Variants in SECISBP2 observed in about 807,000 individuals in gnomAD.
SECISBP2 encodes the protein SECIS binding protein 2.
SECISBP2 carries 96 observed loss-of-function variants against 98.2 expected under a neutral mutation model. The ratio of observed to expected loss-of-function variants is 0.98; its 90% confidence interval spans 0.83 to 1.16. SECISBP2 has a LOEUF of 1.16. Ranked by LOEUF, SECISBP2 falls within the 50% of genes most tolerant of loss-of-function variation. The pLI is 0.00. For missense variants in SECISBP2, 1,046 were observed against 1,022.9 expected, an observed-to-expected ratio of 1.02 and a Z score of -0.31; for synonymous variants, 407 against 370.2, an observed-to-expected ratio of 1.10 and a Z score of -1.14.
chr9:89,333,029 AT>A (rs1221375869), intron 6 of SECISBP2, 43 bp downstream of exon 6: 2 of 1,543,908 alleles, frequency 1.3e-6, no homozygotes, highest in East Asian at 4.5e-5. Context: ...AATGTCATAG[AT>A]TTTTTAAGTT....
chr9:89,325,833 G>A, intron 3 of SECISBP2, 64 bp from the exon 4 acceptor site: 1 of 1,604,438 alleles, frequency 6.2e-7, no homozygotes, highest in African/African-American at 1.3e-5. Context: ...TTAATATTTT[G>A]CTGCTTTAAA....
downstream of SECISBP2, chr9:89,361,663 G>A (rs1285789794): frequency 6.6e-6 from 1 of 152,238 alleles, no homozygotes; most frequent in Non-Finnish European, 1.5e-5. Context: ...TTGGCTTTCT[G>A]CATCAAGTTT....
intron 14 of SECISBP2, chr9:89,354,917 G>T: frequency 1.0e-6 from 1 of 985,400 alleles, no homozygotes; most frequent in Non-Finnish European, 1.2e-6. Context: ...GTATACCTCA[G>T]GAATACGGAA....
chr9:89,351,343 T>C (rs1228368704), intron 14 of SECISBP2, among the ~76,000 whole-genome samples: 1 of 152,242 alleles, frequency 6.6e-6, no homozygotes, highest in Non-Finnish European at 1.5e-5. Flanking sequence ...TTTTGTTTTG[T>C]TGGATGTGAT....
intron 6 of SECISBP2, chr9:89,334,212 G>A (rs1004811785): frequency 3.2e-5 from 39 of 1,202,742 alleles, no homozygotes; most frequent in Non-Finnish European, 4.0e-5. Context: ...TTGCCACGTG[G>A]ACATTTATTG....
At chr9:89,364,449 C>T (rs1049417405), downstream of SECISBP2, 5 of 214,642 alleles carry the variant, frequency 2.3e-5, no homozygotes, top group East Asian at 3.1e-4. Context: ...CCTGTCTCTC[C>T]AATTGAGACA....
At chr9:89,329,296 A>C in intron 5 of SECISBP2, 1 of 209,850 alleles carries the variant, frequency 4.8e-6, no homozygotes, top group South Asian at 6.9e-5. Context: ...TTTGTATTTT[A>C]GTAGAGACGG....
chr9:89,362,320 G>A (rs1247018626), downstream of SECISBP2: 1 of 1,612,488 alleles, frequency 6.2e-7, no homozygotes, highest in Non-Finnish European at 8.5e-7. Flanking sequence ...GGGGGACCAG[G>A]CCTTCTCCGG....
At chr9:89,334,837 G>C (rs934592421) in intron 7 of SECISBP2, 107 bp downstream of exon 7, 1 of 844,818 alleles carries the variant, frequency 1.2e-6, no homozygotes, top group African/African-American at 1.7e-5. Flanking sequence ...GTTTTGCTAG[G>C]GGAAATGAGT....
chr9:89,331,200 T>A (rs1449084824), intron 5 of SECISBP2, among the ~76,000 whole-genome samples: 1 of 152,240 alleles, frequency 6.6e-6, no homozygotes, highest in Non-Finnish European at 1.5e-5. Context: ...CGTACAGTCT[T>A]ACGTTTGAAT....
rs59799418 is a variant in SECISBP2 at position 89,336,081 on chromosome 9, C to CTTTTTTTTTTTTTT, written c.1089+1365_1089+1378dup. On this transcript the variant is annotated intron_variant, in intron 7 of 16. Transcript: ENST00000375807. ...TTTTTCCCTTAAGTAATTTTAAGTG[C>CTTTTTTTTTTTTTT]TTTTTTTTTTTTTTTTTTTTTTTTT... Among the ~76,000 whole-genome samples the CTTTTTTTTTTTTTT allele has an allele frequency of 1.7e-3, 56 of 33,058 alleles. 7 individuals carry two copies. Among genetic ancestry groups the CTTTTTTTTTTTTTT allele is most frequent in the African/African-American group, 3.0e-3 (25 of 8,362 alleles). The allele number at this position is 33,058 out of a possible 152,430, so 21.7% of individuals were successfully genotyped here.
chr9:89,347,118 C>G (rs1830532763), intron 11 of SECISBP2, 70 bp downstream of exon 11: 1 of 1,502,902 alleles, frequency 6.7e-7, no homozygotes, highest in Admixed American at 1.9e-5. Flanking sequence ...GTTATTCTCC[C>G]AGCTCTTAGA....
intron 2 of SECISBP2, chr9:89,322,247 A>G (rs1564312153): frequency 6.6e-6 from 1 of 152,262 alleles, no homozygotes; most frequent in Non-Finnish European, 1.5e-5. Flanking sequence ...GATAGATAAC[A>G]TTTGCCATGT....
chr9:89,337,066 A>G (rs967014782), intron 7 of SECISBP2, among the ~76,000 whole-genome samples: 1 of 152,034 alleles, frequency 6.6e-6, no homozygotes, highest in Non-Finnish European at 1.5e-5. Flanking sequence ...ATGCCGCTGC[A>G]CCTGGCCCCC....
rs1173424464 is a variant in SECISBP2, at chr9:89,329,104, G to GTGTTT, written c.801+218_801+219insTGTTT. On this transcript the variant is annotated intron_variant, in intron 5 of 16. Transcript: ENST00000375807. ...CTAGTGCAGCTATTGTTTTATTTGT[G>GTGTTT]CGTTTTGTTTTGTTTTGTTTTGTTT... 5.3e-6 allele frequency: 3 copies of GTGTTT among 568,490 alleles called. No homozygotes were observed. In the African/African-American group the frequency reaches 5.7e-5, roughly 11 times the overall value. The allele number at this position is 568,490 out of a possible 1,614,324, so 35.2% of individuals were successfully genotyped here.
chr9:89,343,765 A>G (rs978281989), intron 10 of SECISBP2, among the ~76,000 whole-genome samples: 2 of 152,148 alleles, frequency 1.3e-5, no homozygotes, highest in African/African-American at 4.8e-5. Context: ...GGTTGATTTC[A>G]TGTCTCTGCT....
At chr9:89,346,505 G>A (rs575876889) in intron 10 of SECISBP2, among the ~76,000 whole-genome samples, 2 of 152,288 alleles carry the variant, frequency 1.3e-5, no homozygotes, top group Admixed American at 6.5e-5. Context: ...GGAGAGGGAC[G>A]TGTTCACAGT....
intron 9 of SECISBP2, among the ~76,000 whole-genome samples, chr9:89,340,157 CTTATT>C (rs1393228702): frequency 2.0e-5 from 3 of 152,004 alleles, no homozygotes; most frequent in Non-Finnish European, 2.9e-5. Context: ...GATAATAAGA[CTTATT>C]TTATAAGATT....
Position 89,348,042 on chromosome 9 carries a change from G to A in SECISBP2, c.1603-37G>A, listed in dbSNP as rs757583597. On this transcript the variant is annotated intron_variant, in intron 11 of 16. Coordinates refer to ENST00000375807, the MANE Select transcript of SECISBP2 (RefSeq NM_024077.5). ...AGAAGAGCTTATCTTTTAAGTACAA[G>A]TATTTAGGCATTTTAATTGTTTATT... 4 of 1,568,836 alleles carry A rather than the reference G, an allele frequency of 2.5e-6. No individual in the cohort carries two copies. The East Asian group carries it at 9.5e-5, about 37-fold the overall frequency.
Sources: allele counts gnomAD v4.1 joint callset (sites outside exome capture counted in the v4.1 genomes callset), GRCh38; gene constraint gnomAD v4.1.1; transcripts MANE v1.5; gene names NCBI Gene and HGNC (gene_info 2026-07-23, HGNC 2026-07-21).